The following PCDH15 variants were observed in gnomAD, a reference collection of about 807,000 sequenced individuals.
The protein encoded by PCDH15 is protocadherin-15.
Under a neutral mutation model 178.5 loss-of-function variants are expected in PCDH15, and 129 were observed. The ratio of observed to expected loss-of-function variants is 0.72; its 90% confidence interval spans 0.63 to 0.84. The LOEUF (loss-of-function observed/expected upper bound fraction) is 0.84. Among genes scored for constraint, PCDH15 ranks in the 40% least tolerant of loss-of-function variants. PCDH15 has a pLI of 0.00. For synonymous variants in PCDH15, 800 were observed against 732.0 expected (o/e 1.09, Z -1.50); for missense variants, 2,230 against 2,099.9 (o/e 1.06, Z -1.21).
Position 53,888,159 on chromosome 10 carries a change from G to A in PCDH15, c.3501+15084C>T, listed in dbSNP as rs1488769523. Among the ~76,000 whole-genome samples the A allele has an allele frequency of 2.0e-5, 3 of 150,714 alleles. No individual in the cohort carries two copies. The South Asian group carries it at 6.3e-4, about 31-fold the overall frequency. On this transcript the variant is annotated intron_variant, in intron 26 of 37. Transcript: ENST00000644397. Reference sequence around the variant, plus strand: ...CATGCAGTTTTTCTTCATAGAAGAAGAGATTTTGCTGGTTTGTTTAAACAC... The same window carrying A: ...CATGCAGTTTTTCTTCATAGAAGAAAAGATTTTGCTGGTTTGTTTAAACAC...
intron 8 of PCDH15, among the ~76,000 whole-genome samples, chr10:54,258,789 C>G (rs1343946867): frequency 6.6e-6 from 1 of 152,008 alleles, no homozygotes; most frequent in Non-Finnish European, 1.5e-5. Flanking sequence ...CATCGTATTT[C>G]TCCAAAAATC....
chr10:53,956,335 A>G (rs2087612037), intron 23 of PCDH15, among the ~76,000 whole-genome samples: 1 of 152,130 alleles, frequency 6.6e-6, no homozygotes, highest in Non-Finnish European at 1.5e-5. Context: ...GCATCCAGAT[A>G]CTGCTATGTA....
chr10:55,613,489 C>T (rs1184532526), intron 2 of PCDH15, among the ~76,000 whole-genome samples: 2 of 152,252 alleles, frequency 1.3e-5, no homozygotes, highest in Admixed American at 6.5e-5. Context: ...AACAGTTATG[C>T]TCTGTATTAA....
At chr10:54,354,832 A>C (rs554362783) in intron 5 of PCDH15, among the ~76,000 whole-genome samples, 3 of 152,272 alleles carry the variant, frequency 2.0e-5, no homozygotes, top group African/African-American at 7.2e-5. Context: ...AATAATTCTG[A>C]TAAAAACAGA....
At chr10:55,558,740 T>C (rs987184648) in intron 2 of PCDH15, among the ~76,000 whole-genome samples, 3 of 152,232 alleles carry the variant, frequency 2.0e-5, no homozygotes, top group African/African-American at 7.2e-5. Context: ...GACCTAGTAA[T>C]ATCATATGTT....
chr10:54,913,954 T>C (rs1954861439), intron 2 of PCDH15, among the ~76,000 whole-genome samples: 1 of 152,194 alleles, frequency 6.6e-6, no homozygotes, highest in Non-Finnish European at 1.5e-5. Context: ...AACTATCTTG[T>C]TTTTGATTAT....
chr10:53,858,557 G>C (rs921920271), intron 27 of PCDH15, among the ~76,000 whole-genome samples: 14 of 152,130 alleles, frequency 9.2e-5, no homozygotes, highest in African/African-American at 3.1e-4. Flanking sequence ...AAAATATTTT[G>C]TAAAATGTTT....
At chr10:54,407,592 C>T (rs564006202) in intron 3 of PCDH15, among the ~76,000 whole-genome samples, 3 of 152,048 alleles carry the variant, frequency 2.0e-5, no homozygotes, top group African/African-American at 7.2e-5. Flanking sequence ...CTTGTAATTT[C>T]TCACTTAATT....
intron 15 of PCDH15, among the ~76,000 whole-genome samples, chr10:54,116,409 TGCTA>T (rs1181309520): frequency 3.3e-5 from 5 of 152,144 alleles, no homozygotes; most frequent in Admixed American, 1.3e-4. Flanking sequence ...ATGGATAAAT[TGCTA>T]GAAGGTTTAC....
intron 2 of PCDH15, among the ~76,000 whole-genome samples, chr10:55,156,493 A>T (rs1838894433): frequency 6.6e-6 from 1 of 152,126 alleles, no homozygotes; most frequent in African/African-American, 2.4e-5. Context: ...TTTTAACCTA[A>T]TAGTTCATGA....
At chr10:54,373,606 A>C (rs527753879) in intron 4 of PCDH15, among the ~76,000 whole-genome samples, 1 of 152,036 alleles carries the variant, frequency 6.6e-6, no homozygotes, top group African/African-American at 2.4e-5. Flanking sequence ...AAGGACATTC[A>C]GTCTATTTAA....
chr10:53,941,598 C>A (rs546056402), intron 23 of PCDH15, among the ~76,000 whole-genome samples: 4 of 152,258 alleles, frequency 2.6e-5, no homozygotes, highest in Admixed American at 2.0e-4. Flanking sequence ...CAAGTTTTGG[C>A]AATTATGACT....
intron 3 of PCDH15, among the ~76,000 whole-genome samples, chr10:54,487,845 G>T (rs919566956): frequency 6.6e-6 from 1 of 151,838 alleles, no homozygotes; most frequent in South Asian, 2.1e-4. Context: ...AACTAATATT[G>T]TAATGTCCTA....
chr10:54,579,044 A>G (rs1434076269), intron 2 of PCDH15, among the ~76,000 whole-genome samples: 1 of 152,116 alleles, frequency 6.6e-6, no homozygotes, highest in East Asian at 1.9e-4. Context: ...ACGAGAACAC[A>G]ATTAAATACA....
intron 2 of PCDH15, among the ~76,000 whole-genome samples, chr10:55,572,810 G>T (rs150334435): frequency 6.6e-6 from 1 of 151,982 alleles, no homozygotes; most frequent in Non-Finnish European, 1.5e-5. Context: ...CAGAGTGTTC[G>T]TGTAAAGTGC....
chr10:55,505,702 G>A (rs1487143769), intron 2 of PCDH15, among the ~76,000 whole-genome samples: 2 of 151,420 alleles, frequency 1.3e-5, no homozygotes, highest in African/African-American at 2.4e-5. Flanking sequence ...AGAGATGCTA[G>A]TTATAGTCAT....
At chr10:54,674,236 C>G (rs1168422646) in intron 1 of PCDH15, among the ~76,000 whole-genome samples, 1 of 152,084 alleles carries the variant, frequency 6.6e-6, no homozygotes, top group Admixed American at 6.5e-5. Flanking sequence ...CTCTCAAGAA[C>G]TAAGTTTGTA....
intron 2 of PCDH15, among the ~76,000 whole-genome samples, chr10:55,068,786 C>T (rs199774207): frequency 7.5e-4 from 101 of 134,384 alleles, no homozygotes; most frequent in African/African-American, 2.6e-3. Context: ...TGTGTGTGTG[C>T]GTGCACGTGT....
intron 3 of PCDH15, among the ~76,000 whole-genome samples, chr10:54,517,793 T>C (rs1274904233): frequency 1.3e-5 from 2 of 152,078 alleles, no homozygotes; most frequent in Non-Finnish European, 2.9e-5. Context: ...TATTCCAAAA[T>C]TGACCACATA....
Sources: gnomAD v4.1 joint callset for allele counts (sites outside exome capture counted in the v4.1 genomes callset) on GRCh38, gnomAD v4.1.1 for gene constraint, MANE v1.5 for transcripts, NCBI Gene and HGNC (gene_info 2026-07-23, HGNC 2026-07-21) for gene names.